Variants in TBC1D22A observed in about 807,000 individuals in gnomAD.
TBC1D22A encodes the protein TBC1 domain family member 22A.
Under a neutral mutation model 60.2 loss-of-function variants are expected in TBC1D22A, and 38 were observed. The ratio of observed to expected loss-of-function variants is 0.63; its 90% confidence interval spans 0.49 to 0.83. TBC1D22A has a LOEUF of 0.83. Among genes scored for constraint, TBC1D22A ranks in the 40% least tolerant of loss-of-function variants. The pLI is 0.00. For synonymous variants in TBC1D22A, 302 were observed against 281.7 expected (o/e 1.07, Z -0.72); for missense variants, 628 against 701.0 (o/e 0.90, Z 1.18).
chr22:46,988,043 A>T (rs1368447198), intron 9 of TBC1D22A, among the ~76,000 whole-genome samples: 3 of 151,844 alleles, frequency 2.0e-5, no homozygotes, highest in Non-Finnish European at 2.9e-5. Flanking sequence ...TCAAGAAACC[A>T]CTTTCTTGGA....
At chr22:46,765,982 T>C (rs2083270744) in intron 1 of TBC1D22A, among the ~76,000 whole-genome samples, 1 of 139,416 alleles carries the variant, frequency 7.2e-6, no homozygotes, top group Non-Finnish European at 1.5e-5. Flanking sequence ...TGTGTGTGTG[T>C]GTGTGTGTGT....
intron 4 of TBC1D22A, among the ~76,000 whole-genome samples, chr22:46,868,747 C>G (rs2067169844): frequency 6.6e-6 from 1 of 152,234 alleles, no homozygotes; most frequent in African/African-American, 2.4e-5. Context: ...GTTTAACTCT[C>G]TTACCATGCT....
At chr22:47,006,004 C>T (rs543823956) in intron 10 of TBC1D22A, among the ~76,000 whole-genome samples, 68 of 152,070 alleles carry the variant, frequency 4.5e-4, no homozygotes, top group South Asian at 1.2e-3. Flanking sequence ...ACACAGGTGC[C>T]TATACATGCA....
intron 7 of TBC1D22A, among the ~76,000 whole-genome samples, chr22:46,902,820 T>A (rs1391191205): frequency 2.7e-5 from 4 of 150,192 alleles, no homozygotes; most frequent in Non-Finnish European, 4.4e-5. Context: ...ACACGAAGAC[T>A]CAGATGTCTC....
chr22:47,073,161 C>T (rs1224013682), intron 11 of TBC1D22A, among the ~76,000 whole-genome samples: 1 of 152,160 alleles, frequency 6.6e-6, no homozygotes, highest in Non-Finnish European at 1.5e-5. Context: ...ACTGTTGAAG[C>T]AGAAGTACAG....
chr22:47,135,149 C>T (rs895447721), intron 12 of TBC1D22A, among the ~76,000 whole-genome samples: 1 of 152,218 alleles, frequency 6.6e-6, no homozygotes, highest in African/African-American at 2.4e-5. Context: ...GGGGCCTCTT[C>T]CCTGACAAGA....
chr22:46,794,357 T>C (rs1489555688), intron 3 of TBC1D22A, among the ~76,000 whole-genome samples: 1 of 152,182 alleles, frequency 6.6e-6, no homozygotes, highest in East Asian at 1.9e-4. Flanking sequence ...AGTCTGACTT[T>C]TGGGTCGGCC....
At chr22:47,154,516 C>T (rs2067635661) in intron 12 of TBC1D22A, among the ~76,000 whole-genome samples, 1 of 152,196 alleles carries the variant, frequency 6.6e-6, no homozygotes, top group Admixed American at 6.5e-5. Context: ...TGGCAATGTG[C>T]AGACACTGTC....
In TBC1D22A at chr22:47,001,497, A is replaced by G. The variant is rs958490059; in HGVS notation, c.1201+3788A>G. 6.6e-5 allele frequency among the ~76,000 whole-genome samples: 10 copies of G among 151,574 alleles called. No homozygotes were observed. The East Asian group carries it at 1.3e-3, about 20-fold the overall frequency. On this transcript the variant is annotated intron_variant, in intron 10 of 12. Coordinates refer to ENST00000337137, the MANE Select transcript of TBC1D22A (RefSeq NM_014346.5). Reference sequence around the variant, plus strand: ...TTGGGTGATGTTTTTGTGACCAGAAATATGCCATTGAAACTTACCTCTTGT... The same window carrying G: ...TTGGGTGATGTTTTTGTGACCAGAAGTATGCCATTGAAACTTACCTCTTGT...
rs149350965 is a variant in TBC1D22A at position 47,094,621 on chromosome 22, G to A, written c.1330-16887G>A. On this transcript the variant is annotated intron_variant, in intron 11 of 12. Coordinates refer to ENST00000337137, the MANE Select transcript of TBC1D22A (RefSeq NM_014346.5). Reference sequence around the variant, plus strand: ...TATGTACATACGTCCTGTCGGTTCTGTTTCTCTGGAGAACCATGACTGATA... The same window carrying A: ...TATGTACATACGTCCTGTCGGTTCTATTTCTCTGGAGAACCATGACTGATA... Among the ~76,000 whole-genome samples the A allele has an allele frequency of 4.2e-3, 638 of 152,272 alleles. 2 individuals are homozygous for A. The highest frequency in any genetic ancestry group is 0.011 in the African/African-American group (466 of 41,538).
rs187052546 is a variant in TBC1D22A at position 47,097,068 on chromosome 22, G to A, written c.1330-14440G>A. ...GTGTGTCCACATCAGTATGGGCATG[G>A]CCACGTGGCCTCCACATGAGTATGG... On this transcript the variant is annotated intron_variant, in intron 11 of 12. Coordinates refer to ENST00000337137, the MANE Select transcript of TBC1D22A (RefSeq NM_014346.5). 3.3e-4 allele frequency among the ~76,000 whole-genome samples: 50 copies of A among 152,130 alleles called. No individual in the cohort carries two copies. In the East Asian group the frequency reaches 8.0e-3, roughly 24 times the overall value.
chr22:46,869,707 T>G (rs2067218584), intron 4 of TBC1D22A, among the ~76,000 whole-genome samples: 1 of 152,246 alleles, frequency 6.6e-6, no homozygotes. Context: ...CCTAAGTGAT[T>G]GCAGTGCACA....
chr22:47,090,536 C>T (rs556147763), intron 11 of TBC1D22A, among the ~76,000 whole-genome samples: 1 of 152,334 alleles, frequency 6.6e-6, no homozygotes, highest in East Asian at 1.9e-4. Context: ...GTGTCCCCTC[C>T]AGGTGGATGC....
At chr22:46,844,047 C>T (rs905669118) in intron 4 of TBC1D22A, among the ~76,000 whole-genome samples, 3 of 151,494 alleles carry the variant, frequency 2.0e-5, no homozygotes, top group African/African-American at 4.9e-5. Flanking sequence ...TCTTGGCTGT[C>T]ATTTGCAAAG....
At chr22:47,027,466 C>CT (rs1391227448) in intron 10 of TBC1D22A, among the ~76,000 whole-genome samples, 1 of 152,112 alleles carries the variant, frequency 6.6e-6, no homozygotes, top group Non-Finnish European at 1.5e-5. Flanking sequence ...TTTCGGGGTC[C>CT]TTTATCCTTC....
At chr22:47,158,789 C>G (rs1454698623) in intron 12 of TBC1D22A, among the ~76,000 whole-genome samples, 1 of 152,142 alleles carries the variant, frequency 6.6e-6, no homozygotes, top group Admixed American at 6.5e-5. Flanking sequence ...CTGCCTCAGC[C>G]AGAGGCACCT....
chr22:47,152,512 A>G (rs181378681), intron 12 of TBC1D22A, among the ~76,000 whole-genome samples: 268 of 152,154 alleles, frequency 1.8e-3, no homozygotes, highest in Non-Finnish European at 3.2e-3. Flanking sequence ...AGGCACATTC[A>G]CTAGAGAGTT....
At chr22:47,135,022 A>G (rs372643981) in intron 12 of TBC1D22A, among the ~76,000 whole-genome samples, 1 of 152,204 alleles carries the variant, frequency 6.6e-6, no homozygotes, top group African/African-American at 2.4e-5. Flanking sequence ...AGCCAGCCTC[A>G]TCGGGACCCC....
At chr22:46,925,154 T>G (rs2070978175) in intron 8 of TBC1D22A, among the ~76,000 whole-genome samples, 1 of 152,246 alleles carries the variant, frequency 6.6e-6, no homozygotes, top group African/African-American at 2.4e-5. Context: ...TCCACCTTGT[T>G]TTTTTTGTGT....
Sources: gnomAD v4.1 joint callset for allele counts (sites outside exome capture counted in the v4.1 genomes callset) on GRCh38, gnomAD v4.1.1 for gene constraint, MANE v1.5 for transcripts, NCBI Gene and HGNC (gene_info 2026-07-23, HGNC 2026-07-21) for gene names.